PIERCE1: variants seen among roughly 807,000 people sequenced by gnomAD.
The protein encoded by PIERCE1 is piercer of microtubule wall 1.
the PIERCE1 span, among the ~76,000 whole-genome samples, chr9:135,497,829 ATCT>A: frequency 6.6e-6 from 1 of 152,200 alleles, no homozygotes; most frequent in Admixed American, 6.5e-5. Context: ...TAGATAAGTA[ATCT>A]TCTCACAAGG....
At chr9:135,496,652 G>C in the PIERCE1 span, among the ~76,000 whole-genome samples, 1 of 152,122 alleles carries the variant, frequency 6.6e-6, no homozygotes, top group Non-Finnish European at 1.5e-5. Flanking sequence ...TTAGCATGTC[G>C]CACTTGTGTA....
At chr9:135,497,164 G>A in the PIERCE1 span, among the ~76,000 whole-genome samples, 2,867 of 152,144 alleles carry the variant, frequency 0.019, 86 homozygotes, top group African/African-American at 0.065. Context: ...CAGCTTCTCC[G>A]GCATCCACCC....
chr9:135,499,501 C>T, the PIERCE1 span: 2 of 753,092 alleles, frequency 2.7e-6, no homozygotes, highest in Non-Finnish European at 4.8e-6. Context: ...ACGGCCCTGC[C>T]CCCCACTGCC....
chr9:135,495,320 G>C, the PIERCE1 span: 9 of 1,034,608 alleles, frequency 8.7e-6, no homozygotes, highest in Non-Finnish European at 1.3e-5. Context: ...TTCAGGGAAG[G>C]CAGCGCAGTC....
the PIERCE1 span, among the ~76,000 whole-genome samples, chr9:135,495,819 G>A: frequency 6.6e-6 from 1 of 152,182 alleles, no homozygotes; most frequent in East Asian, 1.9e-4. Context: ...CTGTTCTAAG[G>A]ATAGAAGAAT....
the PIERCE1 span, chr9:135,498,853 C>T: frequency 1.7e-6 from 1 of 598,450 alleles, no homozygotes; most frequent in Non-Finnish European, 3.0e-6. This position sits in a 1 kb window ranked among gnomAD's most constrained non-coding sequence, Gnocchi z 4.1. Flanking sequence ...ATGGCCCGGC[C>T]TCCCCGGCCC....
At chr9:135,496,794 ATT>A in the PIERCE1 span, among the ~76,000 whole-genome samples, 2 of 122,738 alleles carry the variant, frequency 1.6e-5, no homozygotes, top group African/African-American at 3.2e-5. Context: ...CCTTCAGTGC[ATT>A]TTTTTTTTTT....
the PIERCE1 span, among the ~76,000 whole-genome samples, chr9:135,497,705 G>A: frequency 3.3e-5 from 5 of 152,292 alleles, no homozygotes; most frequent in Middle Eastern, 3.4e-3. Flanking sequence ...GATTACAGGC[G>A]TGAGCCACCG....
chr9:135,499,564 G>T, the PIERCE1 span: 1 of 1,134,402 alleles, frequency 8.8e-7, no homozygotes, highest in Non-Finnish European at 1.3e-6. Context: ...GCCGCTCACT[G>T]GCGGGCGATG....
At chr9:135,499,849 C>T in the PIERCE1 span, 1 of 1,575,720 alleles carries the variant, frequency 6.3e-7, no homozygotes, top group Non-Finnish European at 8.6e-7. Context: ...ATTCCTCAGC[C>T]ATTGTGCCTG....
At chr9:135,497,277 A>G in the PIERCE1 span, among the ~76,000 whole-genome samples, 4 of 152,204 alleles carry the variant, frequency 2.6e-5, no homozygotes, top group African/African-American at 9.6e-5. Flanking sequence ...CTCCTACCCC[A>G]CTGCCTGCTC....
chr9:135,495,595 C>T, the PIERCE1 span: 35 of 1,613,348 alleles, frequency 2.2e-5, no homozygotes, highest in East Asian at 5.6e-4. Flanking sequence ...AAAATTTATT[C>T]GAATTTGGAT....
chr9:135,498,384 T>C, the PIERCE1 span, among the ~76,000 whole-genome samples: 1 of 152,054 alleles, frequency 6.6e-6, no homozygotes, highest in Non-Finnish European at 1.5e-5. This position sits in a 1 kb window ranked among gnomAD's most constrained non-coding sequence, Gnocchi z 4.1. Flanking sequence ...ATTCATTCAC[T>C]CATTTAGTTC....
chr9:135,498,980 G>A, the PIERCE1 span: 1 of 344,396 alleles, frequency 2.9e-6, no homozygotes, highest in Non-Finnish European at 5.4e-6. This position sits in a 1 kb window ranked among gnomAD's most constrained non-coding sequence, Gnocchi z 4.1. Context: ...GCAATTTCTG[G>A]GTAACCTAGC....
At chr9:135,495,560 A>G in the PIERCE1 span, 30 of 1,613,974 alleles carry the variant, frequency 1.9e-5, no homozygotes, top group South Asian at 2.7e-4. Flanking sequence ...GTTCCGGAAC[A>G]TTCCACCCGC....
At chr9:135,499,698 A>C in the PIERCE1 span, 1 of 1,607,666 alleles carries the variant, frequency 6.2e-7, no homozygotes, top group South Asian at 1.1e-5. Context: ...GGCGGGCCCC[A>C]GCTTCCTCAC....
At chr9:135,499,598 C>T in the PIERCE1 span, 1 of 1,419,604 alleles carries the variant, frequency 7.0e-7, no homozygotes, top group Non-Finnish European at 9.7e-7. Flanking sequence ...CGGATGACCA[C>T]TCGATCTTCT....
the PIERCE1 span, chr9:135,495,188 G>A: frequency 4.2e-6 from 2 of 472,042 alleles, no homozygotes; most frequent in East Asian, 7.3e-5. Context: ...AGCTCAGGAT[G>A]TGACAACGTT....
chr9:135,499,298 A>T, the PIERCE1 span: 1 of 407,914 alleles, frequency 2.5e-6, no homozygotes, highest in Non-Finnish European at 4.9e-6. Flanking sequence ...GCACCTGCCT[A>T]CAGGAATTGA....
Sources: allele counts gnomAD v4.1 joint callset (sites outside exome capture counted in the v4.1 genomes callset), GRCh38; gene constraint gnomAD v4.1.1; non-coding constraint Gnocchi (gnomAD v3.1); transcripts MANE v1.5; gene names NCBI Gene and HGNC (gene_info 2026-07-23, HGNC 2026-07-21).